Variants in CHTF18 observed in about 807,000 individuals in gnomAD.
The protein encoded by CHTF18 is chromosome transmission fidelity protein 18 homolog.
CHTF18 carries 151 observed loss-of-function variants against 113.4 expected under a neutral mutation model. That is an observed-to-expected ratio of 1.33 (90% CI 1.17 to 1.52). The LOEUF (loss-of-function observed/expected upper bound fraction) is 1.52. Ranked by LOEUF, CHTF18 falls within the 40% of genes most tolerant of loss-of-function variation. The probability of loss-of-function intolerance (pLI) is 0.00; values close to 1 mark genes in which losing one functional copy is unlikely to be tolerated. For missense variants in CHTF18, 1,982 were observed against 1,381.6 expected (o/e 1.43, Z -6.89); for synonymous variants, 916 against 598.8 (o/e 1.53, Z -7.74).
chr16:796,098 G>C (rs753056221), intron 18 of CHTF18, 21 bp downstream of exon 18: 6 of 1,591,642 alleles, frequency 3.8e-6, no homozygotes, highest in South Asian at 3.4e-5. Context: ...CAGTGCCTGG[G>C]GTGTGCTCCA....
chr16:791,917 G>C lies in CHTF18; in HGVS notation c.1171G>C (p.Ala391Pro). Residue 391 changes from alanine (A) to proline (P), a missense_variant, in exon 9 of 22, where the codon GCG (alanine) becomes CCG (proline). By Grantham distance (27) the Ala-to-Pro change is conservative. Transcript: ENST00000262315. Reference sequence around the variant, plus strand: ...CCTGGCACACGTGATTGCGCGTCACGCGGGGTACTCTGTGGTGGAGATGAA... The same window carrying C: ...CCTGGCACACGTGATTGCGCGTCACCCGGGGTACTCTGTGGTGGAGATGAA... ...TTLAHVIARH[A>P]GYSVVEMNAS... is the part of the protein sequence containing the mutation. 1 of 1,609,816 alleles carries C rather than the reference G, an allele frequency of 6.2e-7. No homozygotes were observed. The highest frequency in any genetic ancestry group is 8.5e-7 in the Non-Finnish European group (1 of 1,178,734).
intron 16 of CHTF18, among the ~76,000 whole-genome samples, 152 bp downstream of exon 16, chr16:795,508 C>T (rs2042316951): frequency 1.7e-5 from 1 of 59,756 alleles, no homozygotes; most frequent in Admixed American, 1.6e-4. Flanking sequence ...AAACACACTG[C>T]CCGTGTGGCT....
At chr16:797,548 G>T in intron 20 of CHTF18, 146 bp from the exon 21 acceptor site, 1 of 762,970 alleles carries the variant, frequency 1.3e-6, no homozygotes, top group Non-Finnish European at 2.1e-6. Flanking sequence ...AGGGGTGAGG[G>T]GCAGCTGGCC....
Position 795,274 on chromosome 16 carries a change from C to T in CHTF18, c.2093C>T (p.Pro698Leu), listed in dbSNP as rs1420476446. The T allele has an allele frequency of 5.8e-6, 9 of 1,549,132 alleles. No homozygotes were observed. The highest frequency in any genetic ancestry group is 7.8e-6 in the Non-Finnish European group (9 of 1,146,798). Residue 698 changes from proline to leucine, a missense_variant, in exon 16 of 22, where the codon CCA becomes CTA. Transcript: ENST00000262315. ...CAGAGCTTCCAGCTGCTGCGCTACC[C>T]ACCCTTCCTGCCCGTGGCCTTCCAT... ...HSQSFQLLRY[P>L]PFLPVAFHVL...
Position 790,059 on chromosome 16 carries a change from C to T in CHTF18, c.607-118C>T, listed in dbSNP as rs531695028. On this transcript the variant is annotated intron_variant, in intron 4 of 21. Coordinates refer to ENST00000262315, the MANE Select transcript of CHTF18 (RefSeq NM_022092.3). ...TTGGCACCCCTGTCCAGTCTCCCAC[C>T]CCTCACTGGCCAGCTTACTGGGGTT... The T allele has an allele frequency of 1.3e-4, 203 of 1,536,868 alleles. 1 individual carries two copies. In the African/African-American group the frequency reaches 2.1e-3, roughly 16 times the overall value.
At chr16:788,827 G>C in intron 1 of CHTF18, 52 bp downstream of exon 1, 1 of 1,552,200 alleles carries the variant, frequency 6.4e-7, no homozygotes, top group African/African-American at 1.4e-5. Flanking sequence ...CCGGGACAGT[G>C]GCGACCTCGG....
intron 8 of CHTF18, 157 bp from the exon 9 acceptor site, chr16:791,694 G>C: frequency 7.0e-7 from 1 of 1,431,080 alleles, no homozygotes; most frequent in Non-Finnish European, 9.1e-7. Flanking sequence ...TTGCCATCTT[G>C]GTGTGTGAAA....
At chr16:793,510 A>C (rs1328573057) in intron 14 of CHTF18, 3 of 607,916 alleles carry the variant, frequency 4.9e-6, no homozygotes, top group Non-Finnish European at 8.7e-6. Flanking sequence ...GGACACCCCC[A>C]GTGTGGTGGG....
At position 791,709 on chromosome 16, in the gene CHTF18, T is replaced by C. The variant is rs1014866998; in HGVS notation, c.1105-142T>C. 4.2e-6 allele frequency: 6 copies of C among 1,436,152 alleles called. No homozygotes were observed. The African/African-American group carries it at 8.6e-5, about 21-fold the overall frequency. The allele number at this position is 1,436,152 out of a possible 1,614,324, so 89.0% of individuals were successfully genotyped here. ...TTGCCATCTTGGTGTGTGAAAGTGC[T>C]CAATTTTGTTCTTATTTGATGGCTG... On this transcript the variant is annotated intron_variant, in intron 8 of 21. Transcript: ENST00000262315.
rs1011936351 is a variant in CHTF18, at chr16:796,032, G to A, written c.2411G>A (p.Arg804His). The A allele has an allele frequency of 8.1e-6, 13 of 1,605,474 alleles. No homozygotes were observed. The highest frequency in any genetic ancestry group is 2.2e-5 in the East Asian group (1 of 44,498). Residue 804 changes from arginine to histidine, a missense_variant, in exon 18 of 22, where the codon CGC becomes CAC. Coordinates refer to ENST00000262315, the MANE Select transcript of CHTF18 (RefSeq NM_022092.3). ...GTMLAYSLTYRQERTPDGQYI... is the reference protein window; with the variant it reads ...GTMLAYSLTYHQERTPDGQYI... ...ATGCTCGCTTACAGCCTGACCTACCGCCAGGAGCGCACGCCCGATGGCCAG... is the reference window on the plus strand; with the variant it reads ...ATGCTCGCTTACAGCCTGACCTACCACCAGGAGCGCACGCCCGATGGCCAG...
intron 7 of CHTF18, 134 bp from the exon 8 acceptor site, chr16:791,027 G>T: frequency 7.4e-6 from 11 of 1,477,564 alleles, no homozygotes; most frequent in Non-Finnish European, 9.9e-6. Flanking sequence ...TCACTCGCTG[G>T]CAGGAAGACG....
At chr16:793,850 C>T (rs764445004) in intron 14 of CHTF18, 1 of 644,642 alleles carries the variant, frequency 1.6e-6, no homozygotes, top group Non-Finnish European at 2.7e-6. Flanking sequence ...CAGAGTGGGG[C>T]TCCTCGGCTT....
rs773760707 is a variant in CHTF18, at chr16:788,914, A to G, written c.92-17A>G. The G allele has an allele frequency of 5.4e-5, 82 of 1,524,520 alleles. No homozygotes were observed. The highest frequency in any genetic ancestry group is 8.2e-5 in the Admixed American group (4 of 48,658). 94.4% of individuals were successfully genotyped at this position (1,524,520 alleles called of 1,614,324 possible). A position where few individuals can be genotyped will look rare whatever the true frequency, so the allele number is the denominator to read the frequency against. ...TGCTGTCTCGGGGCGGCCGCTGACA[A>G]TCTCCTCTCCCAGCAGGGGCGTCGA... On this transcript the variant is annotated splice_polypyrimidine_tract_variant and intron_variant, in intron 1 of 21. Coordinates refer to ENST00000262315, the MANE Select transcript of CHTF18 (RefSeq NM_022092.3).
intron 1 of CHTF18, 54 bp from the exon 2 acceptor site, chr16:788,877 G>A: frequency 6.6e-7 from 1 of 1,504,804 alleles, no homozygotes; most frequent in Non-Finnish European, 8.8e-7. Context: ...CCACGTCGCC[G>A]CTGGCGGGAT....
chr16:792,476 A>C lies in CHTF18; in HGVS notation c.1364A>C (p.Lys455Thr), dbSNP rs763882479. Residue 455 changes from lysine to threonine, a missense_variant, in exon 11 of 22, where the codon AAG (lysine) becomes ACG (threonine). By Grantham distance (78) the Lys-to-Thr change is moderately conservative (BLOSUM62 -1). Coordinates refer to ENST00000262315, the MANE Select transcript of CHTF18 (RefSeq NM_022092.3). ...INVLLSILNRKGPQEVGPQGP... is the reference protein window; with the variant it reads ...INVLLSILNRTGPQEVGPQGP... ...GTCCTCCTGAGCATCCTGAACCGCA[A>C]GGGGCCACAGGAGGTGGGGCCACAG... The C allele has an allele frequency of 1.3e-6, 2 of 1,584,792 alleles. No individual in the cohort carries two copies. The highest frequency in any genetic ancestry group is 2.3e-5 in the South Asian group (2 of 87,900).
At position 789,400 on chromosome 16, in the gene CHTF18, A is replaced by C. The variant is rs772982532; in HGVS notation, c.437+40A>C. On this transcript the variant is annotated intron_variant, in intron 3 of 21. Transcript: ENST00000262315. ...CATGGGCGTCCCATCCCATCTGTCC[A>C]GTGGGACTCAGATGGAGCCCATCCC... 55 of 1,545,202 alleles carry C rather than the reference A, an allele frequency of 3.6e-5. No individual in the cohort carries two copies. In the Admixed American group the frequency reaches 7.5e-4, roughly 21 times the overall value.
intron 15 of CHTF18, 177 bp from the exon 16 acceptor site, chr16:794,955 G>A: frequency 1.2e-5 from 7 of 599,846 alleles, no homozygotes; most frequent in East Asian, 2.8e-5. Context: ...ACCCCTTGCT[G>A]GTGTGTGCTG....
At chr16:791,979 C>T (rs754194315) in intron 9 of CHTF18, 31 bp downstream of exon 9, 42 of 1,582,624 alleles carry the variant, frequency 2.7e-5, no homozygotes, top group South Asian at 1.2e-4. Context: ...CTCTGGCTCG[C>T]CTTCTGTCCT....
Position 789,144 on chromosome 16 carries a change from C to T in CHTF18, c.286+19C>T, listed in dbSNP as rs1301322199. Reference sequence around the variant, plus strand: ...CCCCACGGTAGGTTGGCGGCATTGCCCCAGGGCCTCCGGAGTGGGCGCGAG... The same window carrying T: ...CCCCACGGTAGGTTGGCGGCATTGCTCCAGGGCCTCCGGAGTGGGCGCGAG... On this transcript the variant is annotated intron_variant, in intron 2 of 21. Coordinates refer to ENST00000262315, the MANE Select transcript of CHTF18 (RefSeq NM_022092.3). The T allele has an allele frequency of 1.9e-6, 3 of 1,549,274 alleles. No homozygotes were observed. Among genetic ancestry groups the T allele is most frequent in the East Asian group, 2.4e-5 (1 of 40,868 alleles).
Sources: allele counts gnomAD v4.1 joint callset (sites outside exome capture counted in the v4.1 genomes callset), GRCh38; gene constraint gnomAD v4.1.1; transcripts MANE v1.5; gene names NCBI Gene and HGNC (gene_info 2026-07-23, HGNC 2026-07-21).